SLC17A1: variants seen among roughly 807,000 people sequenced by gnomAD.
SLC17A1 encodes sodium-dependent phosphate transport protein 1.
In SLC17A1, 51 loss-of-function variants were observed where a neutral mutation model predicts 53.5. That is an observed-to-expected ratio of 0.95 (90% CI 0.76 to 1.20). SLC17A1 has a LOEUF of 1.20. SLC17A1 is among the 50% of genes most tolerant of loss of function. SLC17A1 has a pLI of 0.00. For missense variants in SLC17A1, 538 were observed against 568.2 expected (o/e 0.95, Z 0.54); for synonymous variants, 179 against 198.8 (o/e 0.90, Z 0.84).
chr6:25,758,861 T>C, the SLC17A1 span, among the ~76,000 whole-genome samples: 3 of 152,240 alleles, frequency 2.0e-5, no homozygotes, highest in East Asian at 5.8e-4. Flanking sequence ...TTGTTCTTGT[T>C]TCTCTAGTTC....
At chr6:25,770,833 C>T in the SLC17A1 span, 6 of 973,036 alleles carry the variant, frequency 6.2e-6, no homozygotes. Flanking sequence ...GAAACTCATA[C>T]CTTCACTCAC....
the SLC17A1 span, chr6:25,770,603 A>G: frequency 1.3e-6 from 1 of 792,088 alleles, no homozygotes; most frequent in South Asian, 1.5e-5. Flanking sequence ...ACTACCCCAT[A>G]CTGCCTTACT....
chr6:25,791,503 A>G (rs577546723), intron 12 of SLC17A1, among the ~76,000 whole-genome samples: 19 of 152,360 alleles, frequency 1.2e-4, no homozygotes, highest in Non-Finnish European at 2.2e-4. Context: ...ATTTTAAGTC[A>G]GAGAGGAAAA....
At chr6:25,742,069 C>G in the SLC17A1 span, among the ~76,000 whole-genome samples, 1 of 152,106 alleles carries the variant, frequency 6.6e-6, no homozygotes. Context: ...CAAAACTTCC[C>G]TTTCTATAAT....
At chr6:25,819,988 G>C (rs553976762) in intron 3 of SLC17A1, 73 bp from the exon 4 acceptor site, 2 of 1,046,648 alleles carry the variant, frequency 1.9e-6, no homozygotes, top group Admixed American at 2.1e-5. Context: ...GGGATTCAGG[G>C]AAACTGTTCT....
chr6:25,816,056 A>G (rs1764344654), intron 6 of SLC17A1, among the ~76,000 whole-genome samples: 1 of 152,084 alleles, frequency 6.6e-6, no homozygotes, highest in Admixed American at 6.5e-5. Context: ...ATTGGACTCT[A>G]CATGTGGTAA....
At chr6:25,750,809 T>A in the SLC17A1 span, among the ~76,000 whole-genome samples, 5,133 of 152,154 alleles carry the variant, frequency 0.034, 222 homozygotes, top group African/African-American at 0.095. Context: ...TGTCGTATTT[T>A]AAAAAAATTT....
At chr6:25,725,940 TCC>T in the SLC17A1 span, among the ~76,000 whole-genome samples, 1 of 152,176 alleles carries the variant, frequency 6.6e-6, no homozygotes, top group East Asian at 1.9e-4. Context: ...GATGGAACGC[TCC>T]TTGAAAATTC....
At chr6:25,741,212 C>A in the SLC17A1 span, among the ~76,000 whole-genome samples, 1 of 152,028 alleles carries the variant, frequency 6.6e-6, no homozygotes, top group Admixed American at 6.5e-5. Flanking sequence ...CGATAGATAT[C>A]CTAATTACCC....
At chr6:25,820,914 A>G (rs1184737712) in intron 3 of SLC17A1, among the ~76,000 whole-genome samples, 1 of 151,448 alleles carries the variant, frequency 6.6e-6, no homozygotes, top group East Asian at 1.9e-4. Flanking sequence ...AAAAAAAAAA[A>G]AAAGAATGAT....
chr6:25,820,663 G>A (rs9467616), intron 3 of SLC17A1, among the ~76,000 whole-genome samples: 42,179 of 151,744 alleles, frequency 0.28, 6,354 homozygotes, highest in African/African-American at 0.4. Context: ...GGCGGATCAC[G>A]AGGTCAGGAG....
chr6:25,786,845 C>T (rs1763393709), intron 12 of SLC17A1, among the ~76,000 whole-genome samples: 2 of 152,040 alleles, frequency 1.3e-5, no homozygotes, highest in Admixed American at 1.3e-4. Context: ...GTGCTCACAC[C>T]CCTCTCCCTG....
the SLC17A1 span, among the ~76,000 whole-genome samples, chr6:25,742,826 A>C: frequency 6.6e-6 from 1 of 152,168 alleles, no homozygotes; most frequent in East Asian, 1.9e-4. Context: ...TAAAAACACA[A>C]ATTAATACAT....
At chr6:25,810,612 G>A (rs1460295055) in intron 10 of SLC17A1, among the ~76,000 whole-genome samples, 1 of 152,080 alleles carries the variant, frequency 6.6e-6, no homozygotes, top group African/African-American at 2.4e-5. Flanking sequence ...AAGTGTTGAT[G>A]GGGATGTGGA....
chr6:25,726,947 G>A, the SLC17A1 span: 4 of 1,614,010 alleles, frequency 2.5e-6, no homozygotes, highest in African/African-American at 2.7e-5. Flanking sequence ...CCATTTCCAA[G>A]AAGGGCTTTA....
chr6:25,726,329 C>G, the SLC17A1 span: 3 of 1,614,134 alleles, frequency 1.9e-6, no homozygotes, highest in Non-Finnish European at 2.5e-6. Flanking sequence ...GCATTGCCTG[C>G]CAGCTCAAGG....
chr6:25,787,399 A>G (rs959313298), intron 12 of SLC17A1, among the ~76,000 whole-genome samples: 1 of 152,126 alleles, frequency 6.6e-6, no homozygotes, highest in Non-Finnish European at 1.5e-5. Flanking sequence ...GCAGGGCCAG[A>G]TTAAGAACAA....
Position 25,785,003 on chromosome 6 carries a change from A to G in SLC17A1, c.*3-1785T>C, listed in dbSNP as rs1248290522. On this transcript the variant is annotated intron_variant, in intron 12 of 12. Coordinates refer to ENST00000244527, the MANE Select transcript of SLC17A1 (RefSeq NM_005074.5). ...TTACAAATGATATAATCTTGCTTAC[A>G]GAAATCCTAGGAAATCTACTAAAAA... Among the ~76,000 whole-genome samples the G allele has an allele frequency of 3.3e-5, 5 of 152,176 alleles. No individual in the cohort carries two copies. The East Asian group carries it at 9.6e-4, about 29-fold the overall frequency.
chr6:25,823,140 C>A (rs190845763), intron 3 of SLC17A1, among the ~76,000 whole-genome samples: 3 of 152,198 alleles, frequency 2.0e-5, no homozygotes. Context: ...GTAGTTCATT[C>A]CATTATACTG....
Sources: gnomAD v4.1 joint callset for allele counts (sites outside exome capture counted in the v4.1 genomes callset) on GRCh38, gnomAD v4.1.1 for gene constraint, MANE v1.5 for transcripts, NCBI Gene and HGNC (gene_info 2026-07-23, HGNC 2026-07-21) for gene names.